ZNG1E: variants seen among roughly 807,000 people sequenced by gnomAD.
ZNG1E encodes zinc-regulated GTPase metalloprotein activator 1E.
chr9:65,658,038 G>A, the ZNG1E span, among the ~76,000 whole-genome samples: 2 of 151,900 alleles, frequency 1.3e-5, no homozygotes, highest in Non-Finnish European at 1.5e-5. Flanking sequence ...GGCGGAGGTT[G>A]CAGTGAGCCG....
chr9:65,665,323 G>C, the ZNG1E span, among the ~76,000 whole-genome samples: 6 of 152,258 alleles, frequency 3.9e-5, no homozygotes, highest in Non-Finnish European at 7.3e-5. Flanking sequence ...TTCATACCCT[G>C]CATCCCAGCC....
the ZNG1E span, among the ~76,000 whole-genome samples, chr9:65,658,116 A>AAAAAAAAT: frequency 7.7e-6 from 1 of 129,214 alleles, no homozygotes; most frequent in African/African-American, 2.9e-5. Context: ...AAAAAAAAAA[A>AAAAAAAAT]CTTATGTTCC....
At chr9:65,691,408 T>C in the ZNG1E span, among the ~76,000 whole-genome samples, 1 of 151,842 alleles carries the variant, frequency 6.6e-6, no homozygotes, top group Non-Finnish European at 1.5e-5. Flanking sequence ...AAAATCTTTA[T>C]GGTTAAGCTT....
At chr9:65,666,590 A>T in the ZNG1E span, among the ~76,000 whole-genome samples, 2 of 143,136 alleles carry the variant, frequency 1.4e-5, no homozygotes, top group Admixed American at 1.4e-4. Context: ...ACCTCTGATT[A>T]TGATCAAATA....
chr9:65,708,494 A>T, the ZNG1E span: 1 of 260,880 alleles, frequency 3.8e-6, no homozygotes, highest in Non-Finnish European at 7.3e-6. Flanking sequence ...ATTAAATGTT[A>T]TATCAAGGGA....
the ZNG1E span, among the ~76,000 whole-genome samples, chr9:65,673,766 A>G: frequency 3.3e-5 from 5 of 152,290 alleles, no homozygotes; most frequent in Non-Finnish European, 5.9e-5. Flanking sequence ...GATCGTGCCA[A>G]TGCAATCCCT....
chr9:65,705,499 TATA>T, the ZNG1E span, among the ~76,000 whole-genome samples: 1 of 132,014 alleles, frequency 7.6e-6, no homozygotes, highest in African/African-American at 2.9e-5. Flanking sequence ...CACAGAGTTC[TATA>T]ATAATAGGAA....
At chr9:65,719,243 A>G in the ZNG1E span, 1 of 140,752 alleles carries the variant, frequency 7.1e-6, no homozygotes, top group Non-Finnish European at 1.5e-5. Context: ...ATTTAATTTG[A>G]CATTCTCCCT....
the ZNG1E span, chr9:65,708,596 A>T: frequency 2.5e-6 from 1 of 396,168 alleles, no homozygotes; most frequent in African/African-American, 2.2e-5. Context: ...TCATCTTTTG[A>T]GTAATAAGCT....
At chr9:65,691,606 T>G in the ZNG1E span, among the ~76,000 whole-genome samples, 1 of 152,380 alleles carries the variant, frequency 6.6e-6, no homozygotes, top group African/African-American at 2.4e-5. Context: ...GCTTTGTAGG[T>G]TTTCTGTATC....
the ZNG1E span, among the ~76,000 whole-genome samples, chr9:65,667,580 TA>T: frequency 6.6e-6 from 1 of 152,146 alleles, no homozygotes; most frequent in Non-Finnish European, 1.5e-5. Context: ...TTCTTGATAA[TA>T]TGTTGAATTT....
chr9:65,687,566 A>G, the ZNG1E span, among the ~76,000 whole-genome samples: 4 of 152,186 alleles, frequency 2.6e-5, no homozygotes, highest in South Asian at 4.1e-4. Flanking sequence ...TCTTTGTCCA[A>G]TGTTTTCTCC....
At chr9:65,659,236 G>A in the ZNG1E span, among the ~76,000 whole-genome samples, 4 of 151,870 alleles carry the variant, frequency 2.6e-5, no homozygotes, top group Non-Finnish European at 4.4e-5. Context: ...GGTGGCTCAC[G>A]CCTGTAATCC....
the ZNG1E span, chr9:65,675,671 T>C: frequency 5.4e-6 from 3 of 556,042 alleles, no homozygotes; most frequent in Non-Finnish European, 9.3e-6. Context: ...TAGGCGCCAG[T>C]GACACCTTCA....
chr9:65,728,313 A>G, the ZNG1E span, among the ~76,000 whole-genome samples: 1 of 150,092 alleles, frequency 6.7e-6, no homozygotes, highest in African/African-American at 2.5e-5. Context: ...CAGACAATCT[A>G]AGGTCACATC....
chr9:65,659,305 A>G, the ZNG1E span, among the ~76,000 whole-genome samples: 1 of 150,226 alleles, frequency 6.7e-6, no homozygotes, highest in African/African-American at 2.5e-5. Flanking sequence ...GACCAGCCTG[A>G]CCAACATGGT....
the ZNG1E span, among the ~76,000 whole-genome samples, chr9:65,667,932 G>T: frequency 1.8e-4 from 25 of 139,610 alleles, no homozygotes; most frequent in Admixed American, 1.7e-3. Context: ...GGAGGCAGAG[G>T]TTGCAGTGAG....
the ZNG1E span, among the ~76,000 whole-genome samples, chr9:65,674,290 CTG>C: frequency 3.9e-5 from 6 of 152,198 alleles, no homozygotes; most frequent in African/African-American, 1.4e-4. Context: ...TCTGTCTTAA[CTG>C]TGTTCTGCAA....
chr9:65,658,689 A>T, the ZNG1E span, among the ~76,000 whole-genome samples: 1 of 148,166 alleles, frequency 6.7e-6, no homozygotes, highest in African/African-American at 2.5e-5. Context: ...AAAACACCAC[A>T]GACTGGGTGG....
Sources: allele counts gnomAD v4.1 joint callset (sites outside exome capture counted in the v4.1 genomes callset), GRCh38; gene constraint gnomAD v4.1.1; transcripts MANE v1.5; gene names NCBI Gene and HGNC (gene_info 2026-07-23, HGNC 2026-07-21).